The following PPP2R2B variants were observed in gnomAD, a reference collection of about 807,000 sequenced individuals.
PPP2R2B encodes protein phosphatase 2 regulatory subunit Bbeta.
Under a neutral mutation model 46.0 loss-of-function variants are expected in PPP2R2B, and 5 were observed. The ratio of observed to expected loss-of-function variants is 0.11; its 90% CI spans 0.06 to 0.23. The LOEUF (loss-of-function observed/expected upper bound fraction) is 0.23. Among genes scored for constraint, PPP2R2B ranks in the 10% least tolerant of loss-of-function variants. PPP2R2B has a pLI of 1.00. For synonymous variants in PPP2R2B, 215 were observed against 206.7 expected, an observed-to-expected ratio of 1.04 and a Z score of -0.34; for missense variants, 367 against 575.0, an observed-to-expected ratio of 0.64 and a Z score of 3.70.
At chr5:146,677,703 T>C (rs1378070299) in intron 5 of PPP2R2B, among the ~76,000 whole-genome samples, 2 of 152,026 alleles carry the variant, frequency 1.3e-5, no homozygotes, top group African/African-American at 4.8e-5. Flanking sequence ...AACTATTGTA[T>C]TTTTTGTAGA....
chr5:146,902,832 AC>A (rs5871995), intron 1 of PPP2R2B, among the ~76,000 whole-genome samples: 72,826 of 151,782 alleles, frequency 0.48, 19,255 homozygotes, highest in East Asian at 0.7. Flanking sequence ...GTTTTGCTAC[AC>A]TGGAATCAGT....
upstream of PPP2R2B, among the ~76,000 whole-genome samples, chr5:147,060,639 AG>A (rs1436887453): frequency 4.6e-5 from 7 of 152,166 alleles, no homozygotes; most frequent in African/African-American, 1.7e-4. Flanking sequence ...CTTAAAAAAA[AG>A]AAACAACAAA....
chr5:146,813,368 T>C (rs1757745394), intron 2 of PPP2R2B, among the ~76,000 whole-genome samples: 1 of 152,148 alleles, frequency 6.6e-6, no homozygotes. Flanking sequence ...TATTACCTCA[T>C]GCCCAACCTC....
At chr5:146,719,393 C>A (rs1332923907) in intron 2 of PPP2R2B, among the ~76,000 whole-genome samples, 1 of 152,186 alleles carries the variant, frequency 6.6e-6, no homozygotes, top group Non-Finnish European at 1.5e-5. Flanking sequence ...CAGAAAGATA[C>A]CATTCATCTC....
chr5:146,719,784 A>C (rs1780690693), intron 2 of PPP2R2B, among the ~76,000 whole-genome samples: 1 of 152,162 alleles, frequency 6.6e-6, no homozygotes, highest in Non-Finnish European at 1.5e-5. Flanking sequence ...AAAGGTTTCC[A>C]ACATTTTGAA....
At chr5:146,896,334 C>T (rs1408552837) in intron 1 of PPP2R2B, among the ~76,000 whole-genome samples, 2 of 152,150 alleles carry the variant, frequency 1.3e-5, no homozygotes, top group Admixed American at 1.3e-4. Context: ...ATCATTGAGG[C>T]AACTGAGACT....
chr5:146,968,821 A>G (rs1752546804), intron 1 of PPP2R2B, among the ~76,000 whole-genome samples: 1 of 152,234 alleles, frequency 6.6e-6, no homozygotes, highest in Non-Finnish European at 1.5e-5. Flanking sequence ...AGTTGAGGAG[A>G]GACGTACAAC....
At chr5:146,961,616 T>C (rs1247224296) in intron 1 of PPP2R2B, among the ~76,000 whole-genome samples, 2 of 152,186 alleles carry the variant, frequency 1.3e-5, no homozygotes, top group Non-Finnish European at 2.9e-5. Flanking sequence ...TACTTTCTTG[T>C]CCTTCCTCAT....
At position 146,598,586 on chromosome 5, in the gene PPP2R2B, C is replaced by T. The variant is rs139835040; in HGVS notation, c.960+1705G>A. ...CTTAACAGAGCCAAAACCAAACTTT[C>T]GATTTTCTCATCTAAATAACTTGGC... On this transcript the variant is annotated intron_variant, in intron 8 of 9. Coordinates refer to ENST00000394411, the MANE Select transcript of PPP2R2B (RefSeq NM_181675.4). Among the ~76,000 whole-genome samples, 1,023 of 152,280 alleles carry T rather than the reference C, an allele frequency of 6.7e-3. 16 individuals carry two copies. The highest frequency in any genetic ancestry group is 0.023 in the African/African-American group (939 of 41,562).
chr5:147,055,788 G>C, exon 1 of PPP2R2B: 2 of 1,559,096 alleles, frequency 1.3e-6, no homozygotes, highest in Non-Finnish European at 1.7e-6. Context: ...ACAGTCTCCT[G>C]AATCCATAAG....
chr5:146,707,692 A>G, intron 2 of PPP2R2B: 1 of 530,226 alleles, frequency 1.9e-6, no homozygotes, highest in Non-Finnish European at 3.4e-6. Flanking sequence ...ATCTTTTCTA[A>G]CAGGTAAAGC....
intron 2 of PPP2R2B, among the ~76,000 whole-genome samples, chr5:146,869,283 G>A (rs1332539194): frequency 1.3e-5 from 2 of 152,096 alleles, no homozygotes; most frequent in Non-Finnish European, 2.9e-5. Flanking sequence ...TGTCATCTCA[G>A]CTTTAAAGAT....
intron 1 of PPP2R2B, among the ~76,000 whole-genome samples, chr5:146,911,462 T>C (rs1475089149): frequency 6.6e-6 from 1 of 152,200 alleles, no homozygotes; most frequent in African/African-American, 2.4e-5. Context: ...TCTATGCCAC[T>C]AGATGCTAAG....
At chr5:146,645,670 G>T (rs1020324) in intron 6 of PPP2R2B, among the ~76,000 whole-genome samples, 1 of 152,278 alleles carries the variant, frequency 6.6e-6, no homozygotes, top group South Asian at 2.1e-4. Context: ...CAGGGCTTCA[G>T]CTTGGTTGAC....
At chr5:146,970,425 A>G (rs977271531) in intron 1 of PPP2R2B, among the ~76,000 whole-genome samples, 7 of 151,822 alleles carry the variant, frequency 4.6e-5, no homozygotes, top group African/African-American at 1.7e-4. Context: ...CCATGGCAAA[A>G]CCCCATCTCT....
chr5:146,847,527 G>A (rs1760079234), intron 2 of PPP2R2B, among the ~76,000 whole-genome samples: 1 of 152,158 alleles, frequency 6.6e-6, no homozygotes, highest in South Asian at 2.1e-4. Context: ...TGCCTGCCTT[G>A]CAAGGGAAAG....
At chr5:146,914,920 G>A (rs985379997) in intron 1 of PPP2R2B, among the ~76,000 whole-genome samples, 3 of 152,114 alleles carry the variant, frequency 2.0e-5, no homozygotes, top group Admixed American at 2.0e-4. Flanking sequence ...TTCAGTATTC[G>A]AATCGACAGT....
intron 5 of PPP2R2B, among the ~76,000 whole-genome samples, chr5:146,668,217 G>A (rs1308823566): frequency 6.6e-6 from 1 of 152,056 alleles, no homozygotes; most frequent in Non-Finnish European, 1.5e-5. Context: ...TCTTCAACCT[G>A]TCACTATTTT....
At chr5:146,653,768 T>C (rs1182233921) in intron 5 of PPP2R2B, among the ~76,000 whole-genome samples, 1 of 152,136 alleles carries the variant, frequency 6.6e-6, no homozygotes, top group Non-Finnish European at 1.5e-5. Flanking sequence ...ACATATTCCA[T>C]GATGTACTAC....
Sources: gnomAD v4.1 joint callset for allele counts (sites outside exome capture counted in the v4.1 genomes callset) on GRCh38, gnomAD v4.1.1 for gene constraint, MANE v1.5 for transcripts, NCBI Gene and HGNC (gene_info 2026-07-23, HGNC 2026-07-21) for gene names.